HKDC1: variants seen among roughly 807,000 people sequenced by gnomAD.
HKDC1 encodes hexokinase HKDC1.
In HKDC1, 66 loss-of-function variants were observed where a neutral mutation model predicts 96.6. The ratio of observed to expected loss-of-function variants is 0.68; its 90% CI spans 0.56 to 0.84. The LOEUF is 0.84. Ranked by LOEUF, HKDC1 falls within the 40% of genes least tolerant of loss-of-function variation. The pLI, the probability that HKDC1 is intolerant of heterozygous loss-of-function variation, is 0.00. For synonymous variants in HKDC1, 466 were observed against 473.1 expected, an observed-to-expected ratio of 0.98 and a Z score of 0.20; for missense variants, 1,211 against 1,208.1, an observed-to-expected ratio of 1.00 and a Z score of -0.04.
chr10:69,233,618 A>G (rs10998657), intron 4 of HKDC1, among the ~76,000 whole-genome samples: 89,172 of 151,666 alleles, frequency 0.59, 26,376 homozygotes, highest in East Asian at 0.76. Flanking sequence ...GCACTGGAGG[A>G]CCAGGCGCGG....
chr10:69,237,407 G>A (rs188936399), intron 4 of HKDC1, among the ~76,000 whole-genome samples: 2 of 151,628 alleles, frequency 1.3e-5, no homozygotes, highest in Non-Finnish European at 2.9e-5. Context: ...GAAGAAAATA[G>A]AAATCACCAC....
At position 69,258,906 on chromosome 10, in the gene HKDC1, G is replaced by A. The variant is rs147565138; in HGVS notation, c.2163G>A (p.Trp721Ter). The change falls in exon 15 of 18, where the codon TGG (tryptophan) becomes TGA (stop). Residue 721 changes from tryptophan to a stop codon, truncating the protein, a stop_gained. Coordinates refer to ENST00000354624, the MANE Select transcript of HKDC1 (RefSeq NM_025130.4). LOFTEE classifies it high-confidence loss of function. The part of the protein sequence containing the change: ...FGDNGCIDDI[W>*]TRYDTEVDEG... ...ACAATGGCTGCATAGATGACATCTG[G>A]ACCCGATACGACACGGAGGTGGATG... 7.7e-5 allele frequency: 124 copies of A among 1,606,818 alleles called. No homozygotes were observed. The African/African-American group carries it at 1.5e-3, about 19-fold the overall frequency.
chr10:69,223,979 C>T (rs894528386), intron 1 of HKDC1, among the ~76,000 whole-genome samples: 6 of 151,042 alleles, frequency 4.0e-5, no homozygotes, highest in Non-Finnish European at 4.4e-5. Flanking sequence ...GAGGCTGAGG[C>T]GGGATGATCA....
chr10:69,221,462 G>A (rs1027777807), intron 1 of HKDC1, among the ~76,000 whole-genome samples: 5 of 151,972 alleles, frequency 3.3e-5, no homozygotes, highest in African/African-American at 9.7e-5. Flanking sequence ...TGGCTGTCAC[G>A]GCCCTGGGCA....
At chr10:69,226,193 A>T (rs1843153082) in intron 1 of HKDC1, among the ~76,000 whole-genome samples, 1 of 152,228 alleles carries the variant, frequency 6.6e-6, no homozygotes, top group African/African-American at 2.4e-5. Flanking sequence ...AAGAGGACTG[A>T]TTTTAGCCAT....
At chr10:69,221,556 G>A (rs983119868) in intron 1 of HKDC1, among the ~76,000 whole-genome samples, 2 of 152,122 alleles carry the variant, frequency 1.3e-5, no homozygotes, top group Non-Finnish European at 2.9e-5. Flanking sequence ...AGGATGGAAT[G>A]AGGATTAAAT....
At chr10:69,228,970 A>G (rs1843205843) in intron 2 of HKDC1, among the ~76,000 whole-genome samples, 1 of 152,174 alleles carries the variant, frequency 6.6e-6, no homozygotes, top group Non-Finnish European at 1.5e-5. Context: ...AAGAAGAAAG[A>G]AAGAAAGCAA....
intron 6 of HKDC1, among the ~76,000 whole-genome samples, chr10:69,242,491 C>T (rs1843470551): frequency 6.7e-6 from 1 of 150,360 alleles, no homozygotes; most frequent in Non-Finnish European, 1.5e-5. Context: ...TAAAAGTCCT[C>T]CGATTTTAGG....
chr10:69,264,377 C>CTTT (rs577342194), intron 16 of HKDC1, among the ~76,000 whole-genome samples: 1 of 142,084 alleles, frequency 7.0e-6, no homozygotes, highest in Non-Finnish European at 1.5e-5. Flanking sequence ...GCAAACTCAT[C>CTTT]TTTTTTTTTT....
intron 4 of HKDC1, among the ~76,000 whole-genome samples, chr10:69,233,551 G>A (rs1843308539): frequency 6.6e-6 from 1 of 152,116 alleles, no homozygotes; most frequent in South Asian, 2.1e-4. Flanking sequence ...AAGAAACATG[G>A]GAAGGCTGGG....
chr10:69,223,688 C>T (rs904513710), intron 1 of HKDC1, among the ~76,000 whole-genome samples: 10 of 146,432 alleles, frequency 6.8e-5, no homozygotes, highest in Admixed American at 1.4e-4. Context: ...AGGGCTCAAG[C>T]GATTCTCCTG....
rs1479592624 is a variant in HKDC1 at position 69,250,357 on chromosome 10, A to C, written c.1638A>C (p.Arg546Ser). Residue 546 changes from arginine to serine, a missense_variant, in exon 11 of 18, where the codon AGA becomes AGC. Arg to Ser is a moderately radical substitution (Grantham distance 110). Transcript: ENST00000354624. Reference protein sequence around the residue: ...TNFRVLLVKIRSGRRSVRMYN... With the variant: ...TNFRVLLVKISSGRRSVRMYN... ...TCCGGGTCCTCCTGGTGAAGATCAG[A>C]AGTGGACGGAGGTCAGTGCGAATGT... The C allele has an allele frequency of 6.2e-7, 1 of 1,614,070 alleles. No individual in the cohort carries two copies. Among genetic ancestry groups the C allele is most frequent in the South Asian group, 1.1e-5 (1 of 91,064 alleles).
rs756912845 is a variant in HKDC1, at chr10:69,220,422, C to T, written c.-14C>T. 39 of 1,593,958 alleles carry T rather than the reference C, an allele frequency of 2.4e-5. No homozygotes were observed. The Admixed American group carries it at 6.7e-4, about 27-fold the overall frequency. On this transcript the variant is annotated 5_prime_UTR_variant, in exon 1 of 18. Coordinates refer to ENST00000354624, the MANE Select transcript of HKDC1 (RefSeq NM_025130.4). ...AATCTCTGCCCATCTCAGGAGAAAC[C>T]AAACTTGGGGAAAATGTTTGCGGTC...
Position 69,248,661 on chromosome 10 carries a change from G to C in HKDC1, c.1503G>C (p.Lys501Asn). The C allele has an allele frequency of 6.2e-7, 1 of 1,614,136 alleles. No individual in the cohort carries two copies. Among genetic ancestry groups the C allele is most frequent in the Non-Finnish European group, 8.5e-7 (1 of 1,180,022 alleles). Reference sequence around the variant, plus strand: ...CTGAGCTGGAGTATGGGCTGAAGAAGAAGAGCCACGGGCTGGCCACGGTCA... The same window carrying C: ...CTGAGCTGGAGTATGGGCTGAAGAACAAGAGCCACGGGCTGGCCACGGTCA... ...MRAELEYGLK[K>N]KSHGLATVRM... is the part of the protein sequence containing the mutation. The change falls in exon 10 of 18, where the codon AAG (lysine) becomes AAC (asparagine). Residue 501 changes from lysine (K) to asparagine (N), a missense_variant. Lys to Asn is a moderately conservative substitution (Grantham distance 94, BLOSUM62 0). Coordinates refer to ENST00000354624, the MANE Select transcript of HKDC1 (RefSeq NM_025130.4).
In HKDC1 at chr10:69,249,720, C is replaced by T. The variant is rs542355248; in HGVS notation, c.1571-570C>T. Among the ~76,000 whole-genome samples, 9 of 151,794 alleles carry T rather than the reference C, an allele frequency of 5.9e-5. No homozygotes were observed. The South Asian group carries it at 1.0e-3, about 18-fold the overall frequency. Reference sequence around the variant, plus strand: ...TTCACTGTGTTAGCCAGGATGGTGTCGATCTCCTGACTTCGTGATCCACCT... The same window carrying T: ...TTCACTGTGTTAGCCAGGATGGTGTTGATCTCCTGACTTCGTGATCCACCT... On this transcript the variant is annotated intron_variant, in intron 10 of 17. Coordinates refer to ENST00000354624, the MANE Select transcript of HKDC1 (RefSeq NM_025130.4).
rs1843583293 is a variant in HKDC1 at position 69,248,593 on chromosome 10, C to G, written c.1435C>G (p.Leu479Val). The G allele has an allele frequency of 1.2e-6, 2 of 1,614,126 alleles. No homozygotes were observed. The highest frequency in any genetic ancestry group is 1.7e-6 in the Non-Finnish European group (2 of 1,180,026). ...CGACAGGGTGCTGGCTTTGTTCCAG[C>G]TGACCCGAGAGCAGCTCGTGGACGT... ...QIDRVLALFQ[L>V]TREQLVDVQA... is the part of the protein sequence containing the mutation. Residue 479 changes from leucine to valine, a missense_variant, in exon 10 of 18, where the codon CTG becomes GTG. Transcript: ENST00000354624.
intron 4 of HKDC1, among the ~76,000 whole-genome samples, chr10:69,235,616 T>C (rs567090880): frequency 4.0e-4 from 61 of 152,218 alleles, no homozygotes; most frequent in South Asian, 8.3e-4. Flanking sequence ...AGTGAGAGTG[T>C]GCCAGCTGCT....
chr10:69,238,098 G>A (rs947162345), intron 4 of HKDC1, among the ~76,000 whole-genome samples: 3 of 152,208 alleles, frequency 2.0e-5, no homozygotes, highest in African/African-American at 7.2e-5. Flanking sequence ...TGCAAATTGA[G>A]AACCATTTTT....
Position 69,250,214 on chromosome 10 carries a change from C to T in HKDC1, c.1571-76C>T, listed in dbSNP as rs143125334. On this transcript the variant is annotated intron_variant, in intron 10 of 17. Coordinates refer to ENST00000354624, the MANE Select transcript of HKDC1 (RefSeq NM_025130.4). ...TGCAGGCCCTGGGTCCGCTCTGCTC[C>T]GACGTCTCCTCTTCCTCCCAATGCC... 1,540 of 1,525,878 alleles carry T rather than the reference C, an allele frequency of 1.0e-3. 21 individuals carry two copies. In the East Asian group the frequency reaches 0.028, roughly 28 times the overall value. 94.5% of individuals were successfully genotyped at this position (1,525,878 alleles called of 1,614,324 possible).
Sources: gnomAD v4.1 joint callset for allele counts (sites outside exome capture counted in the v4.1 genomes callset) on GRCh38, gnomAD v4.1.1 for gene constraint, MANE v1.5 for transcripts, NCBI Gene and HGNC (gene_info 2026-07-23, HGNC 2026-07-21) for gene names.